Variants in AIF1L observed in about 807,000 individuals in gnomAD.
AIF1L encodes allograft inflammatory factor 1 like.
AIF1L carries 12 observed loss-of-function variants against 20.7 expected under a neutral mutation model. The observed-to-expected ratio is 0.58, with a 90% confidence interval of 0.37 to 0.94. The LOEUF is 0.94. Ranked by LOEUF, AIF1L falls within the 40% of genes least tolerant of loss-of-function variation. The probability of loss-of-function intolerance (pLI) is 0.01; values close to 1 mark genes in which losing one functional copy is unlikely to be tolerated. For missense variants in AIF1L, 173 were observed against 185.3 expected (o/e 0.93, Z 0.39); for synonymous variants, 76 against 65.1 (o/e 1.17, Z -0.81).
At chr9:131,108,239 G>GC (rs1293565731) in intron 2 of AIF1L, 1 of 142,660 alleles carries the variant, frequency 7.0e-6, no homozygotes, top group East Asian at 2.1e-4. Context: ...GGAGTCTGTG[G>GC]CCCGGGCTGG....
Position 131,096,821 on chromosome 9 carries a change from G to C in AIF1L, c.51G>C (p.Leu17Phe), listed in dbSNP as rs1158911344. 15 of 1,538,908 alleles carry C rather than the reference G, an allele frequency of 9.7e-6. No homozygotes were observed. The highest frequency in any genetic ancestry group is 1.2e-5 in the Non-Finnish European group (14 of 1,143,462). ...CTCCAGGAGGGAAGGCGTTCGGCTT[G>C]CTCAAAGCCCGGCAGGAGAGGAGGC... is the stretch of plus-strand genomic sequence containing the variant. Reference protein sequence around the residue: ...NRFQGGKAFGLLKARQERRLA... With the variant: ...NRFQGGKAFGFLKARQERRLA... The change falls in exon 2 of 6, where the codon TTG (leucine) becomes TTC (phenylalanine). Residue 17 changes from leucine to phenylalanine, a missense_variant. Transcript: ENST00000247291.
intron 2 of AIF1L, among the ~76,000 whole-genome samples, chr9:131,098,952 G>C (rs987484319): frequency 7.2e-5 from 11 of 152,160 alleles, no homozygotes; most frequent in Non-Finnish European, 1.6e-4. Context: ...GGAAGGAGGC[G>C]CCAGGATCAC....
At chr9:131,104,754 C>G (rs998937774) in intron 2 of AIF1L, among the ~76,000 whole-genome samples, 1 of 152,044 alleles carries the variant, frequency 6.6e-6, no homozygotes, top group African/African-American at 2.4e-5. Flanking sequence ...ATTTGCTGGC[C>G]GGGTGCGGTG....
chr9:131,101,199 A>G (rs11244285), intron 2 of AIF1L, among the ~76,000 whole-genome samples: 40,106 of 152,032 alleles, frequency 0.26, 5,521 homozygotes, highest in Admixed American at 0.31. Context: ...CCCGGCCAAC[A>G]GGTGAGATCT....
chr9:131,106,103 C>T lies in AIF1L; in HGVS notation c.94-5494C>T, dbSNP rs892465956. On this transcript the variant is annotated intron_variant, in intron 2 of 5. Coordinates refer to ENST00000247291, the MANE Select transcript of AIF1L (RefSeq NM_031426.4). ...TCAACAGATGTTTATTGAGTGTCTA[C>T]GATATGCTGGGCACTTCGACGCTAA... 1.2e-5 allele frequency: 17 copies of T among 1,437,190 alleles called. No individual in the cohort carries two copies. In the Admixed American group the frequency reaches 1.8e-4, roughly 16 times the overall value. 89.0% of individuals were successfully genotyped at this position (1,437,190 alleles called of 1,614,324 possible). A position where few individuals can be genotyped will look rare whatever the true frequency, so the allele number is the denominator to read the frequency against.
intron 4 of AIF1L, among the ~76,000 whole-genome samples, chr9:131,114,934 G>A (rs1255034840): frequency 6.6e-6 from 1 of 152,176 alleles, no homozygotes; most frequent in Non-Finnish European, 1.5e-5. Context: ...TGGGCCTCCT[G>A]GCTGGCATTT....
At chr9:131,100,428 A>T (rs1401313973) in intron 2 of AIF1L, among the ~76,000 whole-genome samples, 1 of 152,156 alleles carries the variant, frequency 6.6e-6, no homozygotes, top group Non-Finnish European at 1.5e-5. Context: ...TAACCCAGGG[A>T]GTATTGTTGC....
At chr9:131,111,457 A>G in intron 2 of AIF1L, 140 bp from the exon 3 acceptor site, 1 of 747,596 alleles carries the variant, frequency 1.3e-6, no homozygotes, top group East Asian at 2.5e-5. Flanking sequence ...GGCGACAGGA[A>G]GCCGGGGTGA....
chr9:131,111,823 G>A, intron 3 of AIF1L, 160 bp downstream of exon 3: 1 of 705,100 alleles, frequency 1.4e-6, no homozygotes, highest in Non-Finnish European at 2.3e-6. Context: ...GGGACCCCCT[G>A]AGAGGTGGGG....
At chr9:131,097,417 A>G (rs1033533719) in intron 2 of AIF1L, among the ~76,000 whole-genome samples, 6 of 150,032 alleles carry the variant, frequency 4.0e-5, no homozygotes, top group Admixed American at 2.6e-4. Flanking sequence ...ATTCAAAAGT[A>G]CAAATAGAAG....
At chr9:131,119,309 T>C (rs1313248508) in intron 5 of AIF1L, among the ~76,000 whole-genome samples, 1 of 152,184 alleles carries the variant, frequency 6.6e-6, no homozygotes, top group African/African-American at 2.4e-5. Flanking sequence ...GAGACTAGCC[T>C]GGTCAACATG....
rs1831135602 is a variant in AIF1L, at chr9:131,121,413, A to G, written c.*1091A>G. The G allele has an allele frequency of 3.0e-6, 1 of 330,740 alleles. No individual in the cohort carries two copies. The highest frequency in any genetic ancestry group is 5.5e-6 in the Non-Finnish European group (1 of 181,802). 20.5% of individuals were successfully genotyped at this position (330,740 alleles called of 1,614,324 possible). On this transcript the variant is annotated 3_prime_UTR_variant, in exon 6 of 6. Transcript: ENST00000247291. ...TCTCCCCAGATCTCTCAGAACCTTGAGCTTGGGAATTGAACTGGGGTCACC... is the reference window on the plus strand; with the variant it reads ...TCTCCCCAGATCTCTCAGAACCTTGGGCTTGGGAATTGAACTGGGGTCACC...
At chr9:131,117,409 C>T (rs577349874) in intron 4 of AIF1L, among the ~76,000 whole-genome samples, 3 of 152,258 alleles carry the variant, frequency 2.0e-5, no homozygotes, top group East Asian at 3.9e-4. Flanking sequence ...TGCTCTGGGC[C>T]GGTGCTTCCT....
chr9:131,103,687 A>G (rs1564164471), intron 2 of AIF1L, among the ~76,000 whole-genome samples: 2 of 152,210 alleles, frequency 1.3e-5, no homozygotes, highest in Non-Finnish European at 2.9e-5. Flanking sequence ...ACAGCAACTC[A>G]GTGAGGAGGT....
chr9:131,105,398 T>G (rs933713012), intron 2 of AIF1L, among the ~76,000 whole-genome samples: 1 of 152,208 alleles, frequency 6.6e-6, no homozygotes, highest in African/African-American at 2.4e-5. Flanking sequence ...AAAGTCTCAC[T>G]GTGTGGCCCA....
intron 3 of AIF1L, chr9:131,112,591 G>A (rs919690816): frequency 6.6e-6 from 1 of 152,312 alleles, no homozygotes; most frequent in South Asian, 2.1e-4. Context: ...TGTGCAGATG[G>A]AGAAACTCGG....
At chr9:131,096,695 G>A in intron 1 of AIF1L, 35 bp downstream of exon 1, 1 of 1,451,750 alleles carries the variant, frequency 6.9e-7, no homozygotes, top group Non-Finnish European at 9.0e-7. Flanking sequence ...CCACCTGTGC[G>A]CGCCGGGCGG....
rs1394300553 is a variant in AIF1L, at chr9:131,111,586, C to T, written c.94-11C>T. ...AGTCCCTTGCTCAGCACTGTCCTCT[C>T]ACCTCTGTAGGAGTTTCTGTGTGAC... On this transcript the variant is annotated splice_polypyrimidine_tract_variant and intron_variant, in intron 2 of 5. Transcript: ENST00000247291. 1 of 1,613,028 alleles carries T rather than the reference C, an allele frequency of 6.2e-7. No homozygotes were observed. The highest frequency in any genetic ancestry group is 1.1e-5 in the South Asian group (1 of 91,064).
intron 2 of AIF1L, chr9:131,106,241 C>G (rs1246660577): frequency 2.8e-5 from 43 of 1,535,172 alleles, no homozygotes; most frequent in Non-Finnish European, 3.6e-5. Context: ...CCCAGCACAG[C>G]TGCTTGCTGG....
Sources: allele counts gnomAD v4.1 joint callset (sites outside exome capture counted in the v4.1 genomes callset), GRCh38; gene constraint gnomAD v4.1.1; transcripts MANE v1.5; gene names NCBI Gene and HGNC (gene_info 2026-07-23, HGNC 2026-07-21).